The following SNX9 variants were observed in gnomAD, a reference collection of about 807,000 sequenced individuals.
SNX9 encodes the protein sorting nexin 9, also known as sorting nexin-9.
SNX9 carries 44 observed loss-of-function variants against 89.4 expected under a neutral mutation model. That is an observed-to-expected ratio of 0.49 (90% CI 0.39 to 0.63). The LOEUF (loss-of-function observed/expected upper bound fraction) is 0.63, where lower values mean the gene tolerates loss of function less well. Ranked by LOEUF, SNX9 falls within the 30% of genes least tolerant of loss-of-function variation. The pLI is 0.00. For synonymous variants in SNX9, 236 were observed against 247.8 expected (o/e 0.95, Z 0.45); for missense variants, 578 against 736.1 (o/e 0.79, Z 2.49).
chr6:157,931,067 C>T (rs1783801151), intron 12 of SNX9, among the ~76,000 whole-genome samples: 1 of 152,236 alleles, frequency 6.6e-6, no homozygotes, highest in South Asian at 2.1e-4. Flanking sequence ...GTAGGGAATA[C>T]TGGCCTCAGG....
At chr6:157,926,659 A>G (rs191249479) in intron 10 of SNX9, among the ~76,000 whole-genome samples, 2 of 151,676 alleles carry the variant, frequency 1.3e-5, no homozygotes, top group Non-Finnish European at 2.9e-5. Flanking sequence ...GCATGCGCCT[A>G]AAGTCCCAGC....
chr6:157,927,032 G>T (rs1428812464), intron 10 of SNX9, 79 bp from the exon 11 acceptor site: 1 of 1,038,956 alleles, frequency 9.6e-7, no homozygotes, highest in Non-Finnish European at 1.5e-6. Context: ...GGTGATAAAT[G>T]AGCTGGTCCT....
At chr6:157,938,538 C>A (rs910071177) in intron 15 of SNX9, 95 bp from the exon 16 acceptor site, 13 of 760,044 alleles carry the variant, frequency 1.7e-5, no homozygotes, top group African/African-American at 1.4e-4. Flanking sequence ...TGTTCAGTAG[C>A]AAATCAGTTA....
At chr6:157,897,836 C>T (rs1783012701) in intron 5 of SNX9, among the ~76,000 whole-genome samples, 1 of 152,170 alleles carries the variant, frequency 6.6e-6, no homozygotes, top group Admixed American at 6.5e-5. Flanking sequence ...ATTATTAACT[C>T]AACCTCTGGC....
rs151044085 is a variant in SNX9, at chr6:157,895,100, CAT to C, written c.301-1724_301-1723del. On this transcript the variant is annotated intron_variant, in intron 4 of 17. Coordinates refer to ENST00000392185, the MANE Select transcript of SNX9 (RefSeq NM_016224.5). The stretch of plus-strand genomic sequence containing the variant: ...GTCAAGAGCATGTGCAGTAGGTAAA[CAT>C]ATGTAACATCCATCCTTGTTGACTT... 2.8e-3 allele frequency among the ~76,000 whole-genome samples: 429 copies of C among 152,284 alleles called. 3 individuals carry two copies. Among genetic ancestry groups the C allele is most frequent in the African/African-American group, 9.1e-3 (376 of 41,542 alleles).
intron 1 of SNX9, among the ~76,000 whole-genome samples, chr6:157,838,199 G>A (rs1367619778): frequency 1.3e-5 from 2 of 151,940 alleles, no homozygotes; most frequent in Non-Finnish European, 2.9e-5. Flanking sequence ...TTTTTATAGA[G>A]ATGGTGTTTT....
intron 4 of SNX9, among the ~76,000 whole-genome samples, chr6:157,893,367 G>GT (rs1330820971): frequency 1.3e-5 from 2 of 152,170 alleles, no homozygotes; most frequent in East Asian, 3.9e-4. Context: ...AGTAACTTCA[G>GT]TTTTTTCCTT....
At chr6:157,880,832 T>A (rs377682059) in intron 4 of SNX9, among the ~76,000 whole-genome samples, 6 of 152,180 alleles carry the variant, frequency 3.9e-5, no homozygotes, top group African/African-American at 1.4e-4. Context: ...ATCTCACACA[T>A]CCTATGTGAA....
chr6:157,881,427 C>T (rs957175445), intron 4 of SNX9, among the ~76,000 whole-genome samples: 1 of 152,120 alleles, frequency 6.6e-6, no homozygotes, highest in Non-Finnish European at 1.5e-5. Flanking sequence ...ATTAACCCTG[C>T]AGTGGCCTCT....
intron 2 of SNX9, 50 bp downstream of exon 2, chr6:157,867,683 TAACA>T: frequency 7.1e-7 from 1 of 1,416,464 alleles, no homozygotes. Flanking sequence ...GACTTATTTT[TAACA>T]AATCCGGTAA....
chr6:157,911,750 C>T (rs1783351252), intron 9 of SNX9, among the ~76,000 whole-genome samples: 1 of 152,182 alleles, frequency 6.6e-6, no homozygotes, highest in South Asian at 2.1e-4. Context: ...CTCCTTAAAA[C>T]ATTACTTTAT....
In SNX9 at chr6:157,823,866, T is replaced by A. The variant is rs979327846; in HGVS notation, c.12+420T>A. On this transcript the variant is annotated intron_variant, in intron 1 of 17. Coordinates refer to ENST00000392185, the MANE Select transcript of SNX9 (RefSeq NM_016224.5). The surrounding 1 kb of genome is among the most constrained non-coding windows in gnomAD (Gnocchi z 4.6). Reference sequence around the variant, plus strand: ...CCCCACGTCCCCTCCCGCTGCCGCCTGGGGGACCCTCGCCCCCGCGGGGCG... The same window carrying A: ...CCCCACGTCCCCTCCCGCTGCCGCCAGGGGGACCCTCGCCCCCGCGGGGCG... Among the ~76,000 whole-genome samples the A allele has an allele frequency of 6.6e-6, 1 of 151,728 alleles. No individual in the cohort carries two copies. Among genetic ancestry groups the A allele is most frequent in the African/African-American group, 2.4e-5 (1 of 41,332 alleles).
At chr6:157,827,514 CATATAGTTTATATAATATATAAACATATA>C (rs1781396810) in intron 1 of SNX9, among the ~76,000 whole-genome samples, 1 of 7,736 alleles carries the variant, frequency 1.3e-4, no homozygotes, top group Non-Finnish European at 1.9e-4. Context: ...AATATATAAA[CATATAGTTTATATAATATATAAACATATA>C]TTATATTATA....
chr6:157,826,922 T>TTATAGTTTATATAATATATAAAA (rs1373850507), intron 1 of SNX9, among the ~76,000 whole-genome samples: 2 of 100,192 alleles, frequency 2.0e-5, no homozygotes, highest in East Asian at 2.4e-4. Flanking sequence ...ATAAAATATA[T>TTATAGTTTATATAATATATAAAA]TATAGTTTAT....
At chr6:157,824,607 T>G (rs1328937454) in intron 1 of SNX9, among the ~76,000 whole-genome samples, 1 of 152,232 alleles carries the variant, frequency 6.6e-6, no homozygotes, top group African/African-American at 2.4e-5. Context: ...TCAGCATTGC[T>G]TGACTTCGGT....
chr6:157,867,304 A>G (rs1782284064), intron 1 of SNX9, among the ~76,000 whole-genome samples: 1 of 152,116 alleles, frequency 6.6e-6, no homozygotes, highest in Non-Finnish European at 1.5e-5. Context: ...TCTAAATGCA[A>G]TGTGGGCAGC....
chr6:157,912,407 A>G (rs773262265), intron 9 of SNX9, among the ~76,000 whole-genome samples: 1 of 148,710 alleles, frequency 6.7e-6, no homozygotes, highest in Non-Finnish European at 1.5e-5. Context: ...CTCCTTCCAT[A>G]CTAAGATTTG....
At chr6:157,911,393 G>C (rs547207221) in intron 9 of SNX9, among the ~76,000 whole-genome samples, 1 of 152,278 alleles carries the variant, frequency 6.6e-6, no homozygotes, top group African/African-American at 2.4e-5. Context: ...AGAGGCGGTG[G>C]AATTCTCACT....
intron 1 of SNX9, among the ~76,000 whole-genome samples, chr6:157,863,209 GT>G (rs1437614961): frequency 2.0e-5 from 3 of 152,188 alleles, no homozygotes; most frequent in Non-Finnish European, 4.4e-5. Context: ...TAACAGATAT[GT>G]ACAACATAGG....
Sources: allele counts gnomAD v4.1 joint callset (sites outside exome capture counted in the v4.1 genomes callset), GRCh38; gene constraint gnomAD v4.1.1; non-coding constraint Gnocchi (gnomAD v3.1); transcripts MANE v1.5; gene names NCBI Gene and HGNC (gene_info 2026-07-23, HGNC 2026-07-21).